Variants in NAA16 observed in about 807,000 individuals in gnomAD.
NAA16 encodes NARG1-like protein.
In NAA16, 97 loss-of-function variants were observed where a neutral mutation model predicts 110.3. The observed-to-expected ratio is 0.88, with a 90% CI of 0.75 to 1.04. The LOEUF (loss-of-function observed/expected upper bound fraction) is 1.04. NAA16 is among the 50% of genes least tolerant of loss of function. The pLI, the probability that NAA16 is intolerant of heterozygous loss-of-function variation, is 0.00. For synonymous variants in NAA16, 372 were observed against 330.6 expected, an observed-to-expected ratio of 1.13 and a Z score of -1.36; for missense variants, 1,017 against 1,005.1, an observed-to-expected ratio of 1.01 and a Z score of -0.16.
Position 41,376,539 on chromosome 13 carries a change from A to C in NAA16, c.*937A>C, listed in dbSNP as rs142794005. Reference sequence around the variant, plus strand: ...CTCTCTCCCAGTCTTAAAAGCCCACAGGCAAGAATTAATGCTTTCTTAACT... The same window carrying C: ...CTCTCTCCCAGTCTTAAAAGCCCACCGGCAAGAATTAATGCTTTCTTAACT... On this transcript the variant is annotated 3_prime_UTR_variant, in exon 20 of 20. Coordinates refer to ENST00000379406, the MANE Select transcript of NAA16 (RefSeq NM_024561.5). 3 of 152,332 alleles carry C rather than the reference A, an allele frequency of 2.0e-5. No homozygotes were observed. Among genetic ancestry groups the C allele is most frequent in the Non-Finnish European group, 4.4e-5 (3 of 68,032 alleles). 9.4% of individuals were successfully genotyped at this position (152,332 alleles called of 1,614,324 possible).
At chr13:41,373,598 G>T in intron 17 of NAA16, 39 bp from the exon 18 acceptor site, 4 of 1,524,744 alleles carry the variant, frequency 2.6e-6, no homozygotes, top group Non-Finnish European at 1.7e-6. Context: ...TCAAAGGACA[G>T]ATCAAAAACA....
At chr13:41,349,292 CCTA>C (rs1166466010) in intron 9 of NAA16, among the ~76,000 whole-genome samples, 1 of 151,684 alleles carries the variant, frequency 6.6e-6, no homozygotes. Flanking sequence ...CTCAAGTGAT[CCTA>C]CTACCTCAGC....
Position 41,358,795 on chromosome 13 carries a change from A to G in NAA16, c.1258-15A>G, listed in dbSNP as rs759811308. 1.3e-6 allele frequency: 2 copies of G among 1,551,912 alleles called. No homozygotes were observed. Among genetic ancestry groups the G allele is most frequent in the Non-Finnish European group, 1.7e-6 (2 of 1,149,210 alleles). On this transcript the variant is annotated splice_polypyrimidine_tract_variant and intron_variant, in intron 11 of 19. Transcript: ENST00000379406. Reference sequence around the variant, plus strand: ...CTTGATTATAAATTGTGGTTCCTTTAATTATCTTTTATAGCATATAGGTAA... The same window carrying G: ...CTTGATTATAAATTGTGGTTCCTTTGATTATCTTTTATAGCATATAGGTAA...
chr13:41,373,313 A>G (rs1353247085), intron 17 of NAA16: 4 of 536,436 alleles, frequency 7.5e-6, no homozygotes, highest in Non-Finnish European at 9.5e-6. Flanking sequence ...GCTGGAGTGC[A>G]GTAGCACGAT....
In NAA16 at chr13:41,325,730, T is replaced by C. The variant is rs189437379; in HGVS notation, c.570T>C (p.Ser190=). The part of the protein sequence containing the change: ...VPPNKIDYEY[S]ELILYQNQVM... ...CAAACAAAATAGATTATGAATATAG[T>C]GAATTGATATTATACCAGAATCAAG... is the stretch of plus-strand genomic sequence containing the variant. Residue 190 remains serine, a synonymous_variant, in exon 6 of 20, where the codon AGT becomes AGC. Coordinates refer to ENST00000379406, the MANE Select transcript of NAA16 (RefSeq NM_024561.5). The C allele has an allele frequency of 3.8e-6, 6 of 1,592,906 alleles. No homozygotes were observed. The African/African-American group carries it at 6.7e-5, about 18-fold the overall frequency.
chr13:41,361,756 C>T (rs897724729), intron 12 of NAA16, among the ~76,000 whole-genome samples: 1 of 152,182 alleles, frequency 6.6e-6, no homozygotes, highest in African/African-American at 2.4e-5. Flanking sequence ...TTCAGAATGG[C>T]ATGCAGTTGA....
chr13:41,358,045 A>G (rs1245317391), intron 10 of NAA16, among the ~76,000 whole-genome samples: 11 of 152,122 alleles, frequency 7.2e-5, no homozygotes, highest in Admixed American at 7.2e-4. Flanking sequence ...AGTTTGACGT[A>G]TATCTTTTCC....
intron 13 of NAA16, among the ~76,000 whole-genome samples, chr13:41,365,960 A>C (rs2043199832): frequency 6.6e-6 from 1 of 152,196 alleles, no homozygotes; most frequent in Admixed American, 6.5e-5. Flanking sequence ...CAGGACTTTT[A>C]GCGCCACCAT....
chr13:41,348,263 G>A (rs2042736755), intron 9 of NAA16, among the ~76,000 whole-genome samples: 1 of 152,122 alleles, frequency 6.6e-6, no homozygotes, highest in South Asian at 2.1e-4. Flanking sequence ...CACCTCGCGG[G>A]TTCAAGCTAT....
In NAA16 at chr13:41,358,288, ATTTG is replaced by A. The variant is rs971445359; in HGVS notation, c.1088-11_1088-8del. On this transcript the variant is annotated splice_polypyrimidine_tract_variant and intron_variant, in intron 10 of 19. Transcript: ENST00000379406. ...TACATTCTTTCTATAATAATTTAAT[ATTTG>A]TTTGATTGCAGAGAATGGGGAGAAG... 6 of 1,600,316 alleles carry A rather than the reference ATTTG, an allele frequency of 3.7e-6. No homozygotes were observed. The highest frequency in any genetic ancestry group is 1.3e-5 in the African/African-American group (1 of 74,686).
chr13:41,358,292 G>A lies in NAA16; in HGVS notation c.1088-12G>A. Reference sequence around the variant, plus strand: ...TTCTTTCTATAATAATTTAATATTTGTTTGATTGCAGAGAATGGGGAGAAG... The same window carrying A: ...TTCTTTCTATAATAATTTAATATTTATTTGATTGCAGAGAATGGGGAGAAG... On this transcript the variant is annotated splice_polypyrimidine_tract_variant and intron_variant, in intron 10 of 19. Transcript: ENST00000379406. The A allele has an allele frequency of 6.2e-7, 1 of 1,603,064 alleles. No homozygotes were observed. The highest frequency in any genetic ancestry group is 8.5e-7 in the Non-Finnish European group (1 of 1,171,720).
At chr13:41,320,970 C>CA (rs2041930734) in intron 4 of NAA16, 146 bp downstream of exon 4, 1 of 676,622 alleles carries the variant, frequency 1.5e-6, no homozygotes, top group Admixed American at 3.6e-5. Flanking sequence ...CCTTCCTTCT[C>CA]AGTCATAGTT....
At chr13:41,330,109 T>C (rs1305360821) in intron 7 of NAA16, among the ~76,000 whole-genome samples, 3 of 151,968 alleles carry the variant, frequency 2.0e-5, no homozygotes, top group African/African-American at 7.2e-5. Flanking sequence ...TTATATGCAG[T>C]TCATTTATGT....
At chr13:41,372,112 T>C (rs1473045436) in intron 15 of NAA16, 91 bp from the exon 16 acceptor site, 2 of 1,032,874 alleles carry the variant, frequency 1.9e-6, no homozygotes, top group African/African-American at 1.7e-5. Context: ...GCTGTCTAAA[T>C]TACTTTAGAC....
At chr13:41,312,371 G>A (rs2041639945) in intron 1 of NAA16, among the ~76,000 whole-genome samples, 1 of 152,172 alleles carries the variant, frequency 6.6e-6, no homozygotes, top group Non-Finnish European at 1.5e-5. Context: ...AGTGATGACC[G>A]CTGCGGAGCC....
chr13:41,369,223 T>TGAA lies in NAA16; in HGVS notation c.1901_1903dup (p.Glu634dup), dbSNP rs755218080. 1.1e-4 allele frequency: 180 copies of TGAA among 1,593,448 alleles called. No individual in the cohort carries two copies. Among genetic ancestry groups the TGAA allele is most frequent in the Middle Eastern group, 1.7e-4 (1 of 5,726 alleles). ...AGAAAAATCAAAAGAAAAAAAGAGATGAAGAAGAAGAAGAAGCCAGTGGCC... is the reference window on the plus strand; with the variant it reads ...AGAAAAATCAAAAGAAAAAAAGAGATGAAGAAGAAGAAGAAGAAGCCAGTGGCC... On this transcript the variant is annotated inframe_insertion, in exon 15 of 20. Coordinates refer to ENST00000379406, the MANE Select transcript of NAA16 (RefSeq NM_024561.5).
In NAA16 at chr13:41,336,768, T is replaced by A; in HGVS notation, c.1014+12T>A. ...ACAATACAGAAAAGGTAAAATTTGG[T>A]ATTTATTCAGATTTGCTATAGTCTT... On this transcript the variant is annotated intron_variant, in intron 9 of 19. Transcript: ENST00000379406. 1 of 1,479,924 alleles carries A rather than the reference T, an allele frequency of 6.8e-7. No individual in the cohort carries two copies. 91.7% of individuals were successfully genotyped at this position (1,479,924 alleles called of 1,614,324 possible).
chr13:41,324,791 A>G (rs1028389984), intron 5 of NAA16, among the ~76,000 whole-genome samples: 2 of 151,146 alleles, frequency 1.3e-5, no homozygotes, highest in African/African-American at 4.9e-5. Flanking sequence ...TACGACTAGG[A>G]CTTGAACTCC....
In NAA16 at chr13:41,376,991, A is replaced by C. The variant is rs1487884562; in HGVS notation, c.*1389A>C. The C allele has an allele frequency of 6.6e-6, 1 of 152,220 alleles. No individual in the cohort carries two copies. The highest frequency in any genetic ancestry group is 1.9e-4 in the East Asian group (1 of 5,206). The allele number at this position is 152,220 out of a possible 1,614,324, so 9.4% of individuals were successfully genotyped here. A position where few individuals can be genotyped will look rare whatever the true frequency, so the allele number is the denominator to read the frequency against. ...GAAAAACTCGCTGTAAAATAATGCC[A>C]ACCTAGATAATGCTATAATAAATTA... On this transcript the variant is annotated 3_prime_UTR_variant, in exon 20 of 20. Transcript: ENST00000379406.
Sources: allele counts gnomAD v4.1 joint callset (sites outside exome capture counted in the v4.1 genomes callset), GRCh38; gene constraint gnomAD v4.1.1; transcripts MANE v1.5; gene names NCBI Gene and HGNC (gene_info 2026-07-23, HGNC 2026-07-21).